Variants in SEMA3A observed in about 807,000 individuals in gnomAD.
SEMA3A encodes semaphorin 3A, also known as semaphorin-3A.
A neutral mutation model predicts 97.9 loss-of-function variants in SEMA3A; 29 were observed. The ratio of observed to expected loss-of-function variants is 0.30; its 90% CI spans 0.22 to 0.40. The LOEUF (loss-of-function observed/expected upper bound fraction) is 0.40. Ranked by LOEUF, SEMA3A falls within the 10% of genes least tolerant of loss-of-function variation. The probability of loss-of-function intolerance (pLI) is 1.00; values close to 1 mark genes in which losing one functional copy is unlikely to be tolerated. For missense variants in SEMA3A, 763 were observed against 951.3 expected (o/e 0.80, Z 2.60); for synonymous variants, 321 against 323.7 (o/e 0.99, Z 0.09).
chr7:83,964,581 A>G (rs1187094450), intron 15 of SEMA3A, among the ~76,000 whole-genome samples: 2 of 152,042 alleles, frequency 1.3e-5, no homozygotes, highest in African/African-American at 4.8e-5. Flanking sequence ...ATCATACCCT[A>G]CCTACTTCAT....
At chr7:84,124,294 G>A (rs1358248537) in intron 3 of SEMA3A, among the ~76,000 whole-genome samples, 1 of 152,164 alleles carries the variant, frequency 6.6e-6, no homozygotes, top group Non-Finnish European at 1.5e-5. Flanking sequence ...ATTTCCAGTG[G>A]ACTTTTCGAG....
At chr7:84,260,490 T>C (rs1799822721) in intron 3 of SEMA3A, among the ~76,000 whole-genome samples, 1 of 152,092 alleles carries the variant, frequency 6.6e-6, no homozygotes. Flanking sequence ...ATCCCTGCAC[T>C]CTCCAGGGAC....
chr7:84,099,134 G>A (rs550179270), intron 4 of SEMA3A, among the ~76,000 whole-genome samples: 4 of 107,816 alleles, frequency 3.7e-5, no homozygotes, highest in East Asian at 2.9e-4. Context: ...GCAGTGGCGC[G>A]ATCTCGGCTC....
intron 2 of SEMA3A, among the ~76,000 whole-genome samples, chr7:84,315,617 A>T (rs1179581876): frequency 1.3e-5 from 2 of 152,156 alleles, no homozygotes; most frequent in Non-Finnish European, 2.9e-5. Flanking sequence ...TGAAACTGAT[A>T]AATGCAATAA....
chr7:83,963,202 T>C lies in SEMA3A; in HGVS notation c.1860+3A>G. On this transcript the variant is annotated splice_donor_region_variant and intron_variant, in intron 16 of 16. Coordinates refer to ENST00000265362, the MANE Select transcript of SEMA3A (RefSeq NM_006080.3). ...AATGATCCAGTCAGTTTCATTCCTG[T>C]ACCTCTTCTTTTCGCTCTTCATTTC... 6.2e-7 allele frequency: 1 copy of C among 1,612,712 alleles called. No individual in the cohort carries two copies. The highest frequency in any genetic ancestry group is 8.5e-7 in the Non-Finnish European group (1 of 1,179,912).
At chr7:84,007,321 C>T in intron 10 of SEMA3A, 32 bp downstream of exon 10, 1 of 1,539,974 alleles carries the variant, frequency 6.5e-7, no homozygotes, top group Non-Finnish European at 8.8e-7. Flanking sequence ...GAAATATATT[C>T]ATTTCATATT....
At chr7:84,090,462 A>T (rs541308115) in intron 4 of SEMA3A, among the ~76,000 whole-genome samples, 1 of 152,102 alleles carries the variant, frequency 6.6e-6, no homozygotes, top group Non-Finnish European at 1.5e-5. Flanking sequence ...ACTACATGGG[A>T]ATAGCATGTT....
chr7:84,359,090 A>G (rs1487772761), intron 2 of SEMA3A, among the ~76,000 whole-genome samples: 2 of 152,162 alleles, frequency 1.3e-5, no homozygotes, highest in Admixed American at 6.6e-5. Flanking sequence ...GCAGACAGGG[A>G]CAATTTGAAT....
chr7:84,090,757 T>C (rs1212884337), intron 4 of SEMA3A, among the ~76,000 whole-genome samples: 1 of 152,088 alleles, frequency 6.6e-6, no homozygotes, highest in African/African-American at 2.4e-5. Flanking sequence ...ATATTCCAGA[T>C]ACTACACTGT....
At chr7:84,325,059 A>C (rs1562904046) in intron 2 of SEMA3A, among the ~76,000 whole-genome samples, 1 of 152,128 alleles carries the variant, frequency 6.6e-6, no homozygotes, top group Non-Finnish European at 1.5e-5. Context: ...ACCATAACTT[A>C]TGTTTGTCTT....
At chr7:83,970,429 A>T (rs1009422793) in intron 15 of SEMA3A, among the ~76,000 whole-genome samples, 1 of 152,218 alleles carries the variant, frequency 6.6e-6, no homozygotes, top group Non-Finnish European at 1.5e-5. Context: ...TAGCAGAAAC[A>T]GAAGGCATCA....
intron 1 of SEMA3A, among the ~76,000 whole-genome samples, chr7:84,457,121 T>C (rs1325634734): frequency 6.6e-6 from 1 of 151,556 alleles, no homozygotes. Context: ...ACTGGTACCA[T>C]TAAAAAAAAA....
In SEMA3A at chr7:84,194,703, C is replaced by A; in HGVS notation, c.-117G>T. 4.7e-6 allele frequency: 3 copies of A among 639,866 alleles called. No homozygotes were observed. Among genetic ancestry groups the A allele is most frequent in the Non-Finnish European group, 8.5e-6 (3 of 354,232 alleles). The allele number at this position is 639,866 out of a possible 1,614,324, so 39.6% of individuals were successfully genotyped here. A position where few individuals can be genotyped will look rare whatever the true frequency, so the allele number is the denominator to read the frequency against. ...ACAGGTGATTTAGGTCAGTTTCATT[C>A]ATAAATGCAGACAATCAAGACCTCA... On this transcript the variant is annotated 5_prime_UTR_variant, in exon 1 of 17. The change abolishes an upstream ATG in the 5' untranslated region. Coordinates refer to ENST00000265362, the MANE Select transcript of SEMA3A (RefSeq NM_006080.3).
At chr7:84,379,644 C>A (rs1164755006) in intron 1 of SEMA3A, among the ~76,000 whole-genome samples, 1 of 151,900 alleles carries the variant, frequency 6.6e-6, no homozygotes, top group Non-Finnish European at 1.5e-5. Context: ...TAAATCACCC[C>A]CTTATTTCAT....
intron 2 of SEMA3A, among the ~76,000 whole-genome samples, chr7:84,307,784 G>GA (rs1277400323): frequency 6.6e-6 from 1 of 151,968 alleles, no homozygotes; most frequent in African/African-American, 2.4e-5. Flanking sequence ...CTGGATAAAG[G>GA]AAATATACCA....
chr7:84,083,660 T>C (rs1274078697), intron 4 of SEMA3A, among the ~76,000 whole-genome samples: 2 of 152,044 alleles, frequency 1.3e-5, no homozygotes, highest in Non-Finnish European at 2.9e-5. Context: ...TTTTAAAATT[T>C]GCTATATAAT....
At chr7:84,189,056 A>C (rs1797964689) in intron 1 of SEMA3A, among the ~76,000 whole-genome samples, 1 of 151,856 alleles carries the variant, frequency 6.6e-6, no homozygotes, top group Non-Finnish European at 1.5e-5. Context: ...TAGAACTGCA[A>C]ATCATGGTAA....
intron 1 of SEMA3A, among the ~76,000 whole-genome samples, chr7:84,182,085 G>T (rs1014174923): frequency 6.6e-6 from 1 of 152,064 alleles, no homozygotes; most frequent in Non-Finnish European, 1.5e-5. Context: ...CTCTCAACAT[G>T]TTCTTCATTC....
intron 1 of SEMA3A, among the ~76,000 whole-genome samples, chr7:84,477,801 T>A (rs1373052293): frequency 6.6e-6 from 1 of 152,208 alleles, no homozygotes; most frequent in Admixed American, 6.5e-5. Flanking sequence ...AAATGTTCAG[T>A]GAATGAAATA....
Sources: gnomAD v4.1 joint callset for allele counts (sites outside exome capture counted in the v4.1 genomes callset) on GRCh38, gnomAD v4.1.1 for gene constraint, MANE v1.5 for transcripts, NCBI Gene and HGNC (gene_info 2026-07-23, HGNC 2026-07-21) for gene names.